The following MICU1 variants were observed in gnomAD, a reference collection of about 807,000 sequenced individuals.
The protein encoded by MICU1 is mitochondrial calcium uptake 1.
A neutral mutation model predicts 56.8 loss-of-function variants in MICU1; 45 were observed. The ratio of observed to expected loss-of-function variants is 0.79; its 90% confidence interval spans 0.62 to 1.02. MICU1 has a LOEUF of 1.02. Ranked by LOEUF, MICU1 falls within the 50% of genes least tolerant of loss-of-function variation. The probability of loss-of-function intolerance (pLI) is 0.00; values close to 1 mark genes in which losing one functional copy is unlikely to be tolerated. For missense variants in MICU1, 504 were observed against 587.1 expected, an observed-to-expected ratio of 0.86 and a Z score of 1.46; for synonymous variants, 186 against 195.1, an observed-to-expected ratio of 0.95 and a Z score of 0.39.
intron 6 of MICU1, among the ~76,000 whole-genome samples, chr10:72,485,773 T>C (rs925169821): frequency 3.3e-5 from 5 of 151,984 alleles, no homozygotes; most frequent in African/African-American, 9.7e-5. Flanking sequence ...GATTGAGACA[T>C]TGTAAAAACT....
At chr10:72,592,268 A>G (rs147149570) in intron 1 of MICU1, among the ~76,000 whole-genome samples, 4,169 of 151,948 alleles carry the variant, frequency 0.027, 178 homozygotes, top group African/African-American at 0.094. Flanking sequence ...CAGCCTCCCA[A>G]AGTGCTGGGA....
chr10:72,391,183 C>T (rs999424778), intron 10 of MICU1, among the ~76,000 whole-genome samples: 1 of 152,202 alleles, frequency 6.6e-6, no homozygotes, highest in African/African-American at 2.4e-5. Flanking sequence ...CCTGTAATCC[C>T]AACACTGGGA....
At chr10:72,484,822 T>C (rs1455106839) in intron 6 of MICU1, among the ~76,000 whole-genome samples, 1 of 152,206 alleles carries the variant, frequency 6.6e-6, no homozygotes. Context: ...ACAGAAGATA[T>C]TCTCAGACAT....
At chr10:72,444,181 A>G (rs1434105285) in intron 8 of MICU1, among the ~76,000 whole-genome samples, 1 of 144,384 alleles carries the variant, frequency 6.9e-6, no homozygotes, top group Non-Finnish European at 1.5e-5. Context: ...ATGAGAACAC[A>G]TGGACACAGG....
chr10:72,410,514 G>C (rs1863774261), intron 9 of MICU1, among the ~76,000 whole-genome samples: 1 of 152,194 alleles, frequency 6.6e-6, no homozygotes, highest in Non-Finnish European at 1.5e-5. Context: ...AGCTACTTGG[G>C]AGGCTGAGGC....
At chr10:72,615,125 G>A (rs1168919195) in intron 1 of MICU1, among the ~76,000 whole-genome samples, 1 of 127,854 alleles carries the variant, frequency 7.8e-6, no homozygotes, top group Non-Finnish European at 1.7e-5. Flanking sequence ...TTGTTTGTTT[G>A]TTTTGAGATG....
intron 1 of MICU1, among the ~76,000 whole-genome samples, chr10:72,592,339 T>C (rs894715320): frequency 2.6e-5 from 4 of 151,942 alleles, no homozygotes; most frequent in African/African-American, 9.7e-5. Flanking sequence ...AAAAAAAGAA[T>C]TCTCCCAACA....
intron 1 of MICU1, among the ~76,000 whole-genome samples, chr10:72,606,341 G>A (rs890895673): frequency 1.6e-4 from 25 of 151,536 alleles, no homozygotes; most frequent in African/African-American, 6.1e-4. Context: ...GTGAAACCCC[G>A]TCTCTACTGA....
At chr10:72,469,832 T>A (rs908070083) in intron 8 of MICU1, among the ~76,000 whole-genome samples, 6 of 152,298 alleles carry the variant, frequency 3.9e-5, no homozygotes, top group African/African-American at 1.4e-4. Context: ...CTGAGGCTTC[T>A]CTCCTTGGCT....
chr10:72,440,777 C>T (rs543300334), intron 8 of MICU1, among the ~76,000 whole-genome samples: 31 of 152,314 alleles, frequency 2.0e-4, no homozygotes, highest in Admixed American at 7.2e-4. Context: ...GACATCTATA[C>T]AGCCAGCAGA....
chr10:72,533,178 A>G lies in MICU1; in HGVS notation c.537+568T>C. The G allele has an allele frequency of 2.4e-6, 3 of 1,263,726 alleles. No individual in the cohort carries two copies. The South Asian group carries it at 3.7e-5, about 16-fold the overall frequency. 78.3% of individuals were successfully genotyped at this position (1,263,726 alleles called of 1,614,324 possible). ...AGAATCTGGCCTGAAAGGAAAAAAC[A>G]TGTTTGACTGCTTTATGAGACAATA... is the stretch of plus-strand genomic sequence containing the variant. On this transcript the variant is annotated intron_variant, in intron 5 of 11. Transcript: ENST00000361114.
chr10:72,522,699 A>C (rs1390267594), intron 5 of MICU1, among the ~76,000 whole-genome samples: 1 of 152,106 alleles, frequency 6.6e-6, no homozygotes, highest in Non-Finnish European at 1.5e-5. Flanking sequence ...AAACAAAACA[A>C]TCCCAGACTT....
Position 72,533,778 on chromosome 10 carries a change from C to A in MICU1, c.505G>T (p.Asp169Tyr). ...TCAAAGCGTTTTATTATATATTGAT[C>A]CAGACCCAAGTCTGTAAAAGAAAAG... The part of the protein sequence containing the change: ...NEKQPEHLGL[D>Y]QYIIKRFDGK... The change falls in exon 5 of 12, where the codon GAT becomes TAT. Residue 169 changes from aspartate to tyrosine, a missense_variant. Physicochemically the swap from Asp to Tyr is radical, Grantham distance 160. Transcript: ENST00000361114. The A allele has an allele frequency of 1.3e-6, 2 of 1,598,228 alleles. No individual in the cohort carries two copies. Among genetic ancestry groups the A allele is most frequent in the Non-Finnish European group, 1.7e-6 (2 of 1,171,110 alleles).
chr10:72,597,260 A>T (rs1841406302), intron 1 of MICU1, among the ~76,000 whole-genome samples: 1 of 152,178 alleles, frequency 6.6e-6, no homozygotes, highest in Non-Finnish European at 1.5e-5. Context: ...ATTCTCCAAA[A>T]CAGTACGAAA....
intron 5 of MICU1, among the ~76,000 whole-genome samples, chr10:72,523,032 C>T (rs529274054): frequency 1.3e-5 from 2 of 152,304 alleles, no homozygotes; most frequent in South Asian, 4.1e-4. Flanking sequence ...AAGACTGGTG[C>T]TGTTTTGTCA....
chr10:72,472,562 A>G (rs910069934), intron 8 of MICU1, among the ~76,000 whole-genome samples: 1 of 152,182 alleles, frequency 6.6e-6, no homozygotes, highest in African/African-American at 2.4e-5. Flanking sequence ...TGCTTCATGT[A>G]AAGGTATTGA....
At chr10:72,546,527 T>G (rs989403293) in intron 4 of MICU1, among the ~76,000 whole-genome samples, 1 of 152,226 alleles carries the variant, frequency 6.6e-6, no homozygotes, top group African/African-American at 2.4e-5. Flanking sequence ...GTGGCTACAC[T>G]GGAGCCTCTC....
chr10:72,418,578 G>T (rs1438939857), intron 9 of MICU1, among the ~76,000 whole-genome samples: 1 of 152,128 alleles, frequency 6.6e-6, no homozygotes, highest in Non-Finnish European at 1.5e-5. Context: ...GAGAAAAATG[G>T]CTGTGAAACA....
At chr10:72,437,888 A>G (rs552339975) in intron 8 of MICU1, among the ~76,000 whole-genome samples, 15 of 152,326 alleles carry the variant, frequency 9.8e-5, no homozygotes, top group Admixed American at 9.8e-4. Context: ...GAGCACCCAG[A>G]TTCATAAAGT....
Sources: allele counts gnomAD v4.1 joint callset (sites outside exome capture counted in the v4.1 genomes callset), GRCh38; gene constraint gnomAD v4.1.1; transcripts MANE v1.5; gene names NCBI Gene and HGNC (gene_info 2026-07-23, HGNC 2026-07-21).